The following HYCC1 variants were observed in gnomAD, a reference collection of about 807,000 sequenced individuals.
HYCC1 encodes the protein hyccin.
At chr7:22,956,519 T>C in the HYCC1 span, among the ~76,000 whole-genome samples, 1 of 148,784 alleles carries the variant, frequency 6.7e-6, no homozygotes, top group Non-Finnish European at 1.5e-5. Flanking sequence ...AAACACACCA[T>C]TAGTTGTCAA....
the HYCC1 span, chr7:22,943,866 T>C: frequency 1.3e-5 from 2 of 152,718 alleles, no homozygotes; most frequent in Non-Finnish European, 2.9e-5. Flanking sequence ...TCTTATTCCA[T>C]TCTGTTACTG....
chr7:22,953,043 T>A, the HYCC1 span, among the ~76,000 whole-genome samples: 6 of 152,102 alleles, frequency 3.9e-5, no homozygotes, highest in East Asian at 9.7e-4. Context: ...TTAGCTTTAG[T>A]TGTATACATG....
At chr7:22,983,696 T>C in the HYCC1 span, 1 of 445,772 alleles carries the variant, frequency 2.2e-6, no homozygotes, top group African/African-American at 2.0e-5. Context: ...TAAAATGAAA[T>C]GCAGTGACAT....
the HYCC1 span, chr7:22,940,164 T>C: frequency 1.3e-5 from 2 of 151,168 alleles, no homozygotes; most frequent in East Asian, 1.9e-4. Context: ...TTAGATGAAA[T>C]GGAATTAACC....
the HYCC1 span, chr7:22,942,147 G>A: frequency 6.6e-6 from 1 of 151,976 alleles, no homozygotes; most frequent in African/African-American, 2.4e-5. Flanking sequence ...TTCCAAAATA[G>A]GCAAAATCCC....
chr7:22,956,804 G>A, the HYCC1 span, among the ~76,000 whole-genome samples: 2 of 151,710 alleles, frequency 1.3e-5, no homozygotes, highest in Non-Finnish European at 3.0e-5. Flanking sequence ...ATAAAAAACA[G>A]AGCCAAGCAA....
chr7:23,003,365 C>A, the HYCC1 span, among the ~76,000 whole-genome samples: 3 of 151,638 alleles, frequency 2.0e-5, no homozygotes, highest in Non-Finnish European at 4.4e-5. Flanking sequence ...CCTAAAACAG[C>A]AGAAATGAGT....
At chr7:22,901,479 T>C in the HYCC1 span, among the ~76,000 whole-genome samples, 1 of 152,120 alleles carries the variant, frequency 6.6e-6, no homozygotes, top group African/African-American at 2.4e-5. Flanking sequence ...CCTAACTATA[T>C]ACTGTCTACA....
the HYCC1 span, chr7:22,946,188 AATTAAC>A: frequency 5.1e-6 from 8 of 1,583,184 alleles, no homozygotes; most frequent in Middle Eastern, 1.7e-4. Flanking sequence ...GACAAAGATT[AATTAAC>A]ATTAAGTATT....
chr7:23,006,816 A>G, the HYCC1 span, among the ~76,000 whole-genome samples: 1 of 152,242 alleles, frequency 6.6e-6, no homozygotes, highest in Non-Finnish European at 1.5e-5. Flanking sequence ...CACCAAACAT[A>G]TATCACTTAA....
the HYCC1 span, among the ~76,000 whole-genome samples, chr7:23,000,477 C>T: frequency 2.0e-5 from 3 of 152,052 alleles, no homozygotes; most frequent in South Asian, 4.1e-4. Flanking sequence ...TACATGTATA[C>T]ATAGTCCATT....
At chr7:22,992,258 T>TA in the HYCC1 span, among the ~76,000 whole-genome samples, 5 of 152,056 alleles carry the variant, frequency 3.3e-5, no homozygotes, top group Non-Finnish European at 7.4e-5. Context: ...CTAATTCTCA[T>TA]AAAAAAACAT....
chr7:22,920,056 A>T, the HYCC1 span, among the ~76,000 whole-genome samples: 19 of 152,312 alleles, frequency 1.2e-4, no homozygotes, highest in South Asian at 3.9e-3. Context: ...GCCCAGGCAC[A>T]GTGGTTCATG....
At chr7:22,987,379 C>A in the HYCC1 span, among the ~76,000 whole-genome samples, 1 of 152,144 alleles carries the variant, frequency 6.6e-6, no homozygotes, top group Admixed American at 6.6e-5. Flanking sequence ...AAGACCCCAG[C>A]TCTAATAAAA....
the HYCC1 span, among the ~76,000 whole-genome samples, chr7:22,957,295 G>A: frequency 1.3e-5 from 1 of 74,384 alleles, no homozygotes; most frequent in Non-Finnish European, 2.7e-5. Context: ...TATGGTAAAG[G>A]GAGATGGAAA....
the HYCC1 span, among the ~76,000 whole-genome samples, chr7:22,991,773 C>T: frequency 6.6e-6 from 1 of 152,032 alleles, no homozygotes; most frequent in Non-Finnish European, 1.5e-5. Flanking sequence ...CAAAATACAA[C>T]GTATTTTTCT....
the HYCC1 span, among the ~76,000 whole-genome samples, chr7:22,911,118 A>G: frequency 1.3e-5 from 2 of 152,218 alleles, no homozygotes; most frequent in African/African-American, 4.8e-5. Flanking sequence ...AGGAACAGAA[A>G]GGAAGAAATA....
At chr7:22,955,392 T>C in the HYCC1 span, among the ~76,000 whole-genome samples, 1 of 151,770 alleles carries the variant, frequency 6.6e-6, no homozygotes, top group Middle Eastern at 3.4e-3. Flanking sequence ...ATGTTTTCAC[T>C]TACTTGTCTC....
the HYCC1 span, chr7:22,961,354 T>C: frequency 8.5e-7 from 1 of 1,178,976 alleles, no homozygotes; most frequent in African/African-American, 1.5e-5. Flanking sequence ...ATGAAGAAAT[T>C]ATAATTATTT....
Sources: gnomAD v4.1 joint callset for allele counts (sites outside exome capture counted in the v4.1 genomes callset) on GRCh38, gnomAD v4.1.1 for gene constraint, MANE v1.5 for transcripts, NCBI Gene and HGNC (gene_info 2026-07-23, HGNC 2026-07-21) for gene names.